The following RYR2 variants were observed in gnomAD, a reference collection of about 807,000 sequenced individuals.
RYR2 encodes the protein ryanodine receptor 2.
A neutral mutation model predicts 601.1 loss-of-function variants in RYR2; 227 were observed. The ratio of observed to expected loss-of-function variants is 0.38; its 90% CI spans 0.34 to 0.42. The LOEUF (loss-of-function observed/expected upper bound fraction) is 0.42. Ranked by LOEUF, RYR2 falls within the 10% of genes least tolerant of loss-of-function variation. RYR2 has a pLI of 1.00. For missense variants in RYR2, 4,646 were observed against 6,156.5 expected (o/e 0.75, Z 8.21); for synonymous variants, 2,223 against 2,175.1 (o/e 1.02, Z -0.61).
chr1:237,548,561 C>A lies in RYR2; in HGVS notation c.3037C>A (p.Arg1013=). The A allele has an allele frequency of 6.2e-7, 1 of 1,613,916 alleles. No individual in the cohort carries two copies. Reference sequence around the variant, plus strand: ...TAATGTGTGGGCGCGGGATCGAATCCGGCAGGGCTGGACTTATGGCATCCA... The same window carrying A: ...TAATGTGTGGGCGCGGGATCGAATCAGGCAGGGCTGGACTTATGGCATCCA... ...AHNVWARDRI[R]QGWTYGIQQD... The change falls in exon 26 of 105, where the codon CGG becomes AGG. Residue 1013 remains arginine (R), a synonymous_variant. Transcript: ENST00000366574.
chr1:237,761,936 CTA>C (rs1484001524), intron 84 of RYR2, among the ~76,000 whole-genome samples: 1 of 152,000 alleles, frequency 6.6e-6, no homozygotes, highest in African/African-American at 2.4e-5. Flanking sequence ...CATTTGTAGT[CTA>C]TGTTTATTTC....
chr1:237,300,769 C>T (rs1693269448), intron 2 of RYR2, among the ~76,000 whole-genome samples: 1 of 152,150 alleles, frequency 6.6e-6, no homozygotes, highest in South Asian at 2.1e-4. Flanking sequence ...GACCTTTCCA[C>T]ATTTTTTATA....
chr1:237,493,699 G>T (rs558461038), intron 19 of RYR2, among the ~76,000 whole-genome samples: 2 of 152,268 alleles, frequency 1.3e-5, no homozygotes, highest in Non-Finnish European at 2.9e-5. Flanking sequence ...TGATCTGCCC[G>T]CCTTGGCCTC....
intron 84 of RYR2, among the ~76,000 whole-genome samples, chr1:237,764,232 G>A (rs913504056): frequency 6.6e-6 from 1 of 152,104 alleles, no homozygotes; most frequent in African/African-American, 2.4e-5. Flanking sequence ...GAACAGAAAG[G>A]TTTCTTGACT....
At chr1:237,519,881 T>G (rs1237780358) in intron 24 of RYR2, among the ~76,000 whole-genome samples, 2 of 152,182 alleles carry the variant, frequency 1.3e-5, no homozygotes, top group East Asian at 3.9e-4. Flanking sequence ...ATATTGTCAT[T>G]TTAACAATAC....
intron 3 of RYR2, among the ~76,000 whole-genome samples, chr1:237,347,791 A>T (rs1025397406): frequency 1.3e-5 from 2 of 152,178 alleles, no homozygotes; most frequent in Non-Finnish European, 2.9e-5. Flanking sequence ...CCTCCCCCAA[A>T]CCAGAAGTTT....
chr1:237,432,634 A>G (rs1395086388), intron 12 of RYR2, among the ~76,000 whole-genome samples: 2 of 152,068 alleles, frequency 1.3e-5, no homozygotes, highest in Non-Finnish European at 2.9e-5. Context: ...CTGTCTCTGG[A>G]TATTACAAAT....
intron 1 of RYR2, among the ~76,000 whole-genome samples, chr1:237,128,212 G>A (rs1303965936): frequency 4.6e-5 from 7 of 152,274 alleles, no homozygotes; most frequent in South Asian, 4.1e-4. Context: ...GCGAAACCCT[G>A]TCTCCACCAA....
intron 1 of RYR2, among the ~76,000 whole-genome samples, chr1:237,098,597 T>C (rs1667738260): frequency 3.3e-5 from 5 of 152,164 alleles, no homozygotes; most frequent in Admixed American, 3.3e-4. Flanking sequence ...ATATTCAGCC[T>C]TAAAAAGAAG....
At chr1:237,222,870 A>G (rs183072540) in intron 1 of RYR2, among the ~76,000 whole-genome samples, 1 of 152,326 alleles carries the variant, frequency 6.6e-6, no homozygotes, top group Non-Finnish European at 1.5e-5. Context: ...GTTCAAGACC[A>G]GCCTGACCAA....
chr1:237,322,821 C>T (rs12094947), intron 2 of RYR2, among the ~76,000 whole-genome samples: 9 of 143,146 alleles, frequency 6.3e-5, no homozygotes, highest in East Asian at 2.1e-4. Flanking sequence ...AACACACACA[C>T]GTGTGTGTGT....
intron 10 of RYR2, among the ~76,000 whole-genome samples, chr1:237,402,446 A>T (rs985804519): frequency 6.6e-6 from 1 of 151,922 alleles, no homozygotes; most frequent in Non-Finnish European, 1.5e-5. Context: ...AAGAATTAAA[A>T]GATGCAACAA....
intron 1 of RYR2, among the ~76,000 whole-genome samples, chr1:237,156,826 TC>T (rs1393287336): frequency 4.6e-5 from 7 of 152,130 alleles, no homozygotes; most frequent in African/African-American, 1.7e-4. Context: ...TTTGATTTCA[TC>T]CTGTATTAAA....
intron 24 of RYR2, among the ~76,000 whole-genome samples, chr1:237,512,081 A>G (rs1480933105): frequency 6.6e-6 from 1 of 152,200 alleles, no homozygotes; most frequent in Non-Finnish European, 1.5e-5. Flanking sequence ...GATAGGATAC[A>G]GGTCCACAGA....
intron 78 of RYR2, among the ~76,000 whole-genome samples, chr1:237,733,353 C>T (rs1690860298): frequency 6.6e-6 from 1 of 152,074 alleles, no homozygotes; most frequent in African/African-American, 2.4e-5. Context: ...TCAAATTTCA[C>T]TTCTGTCAAA....
intron 42 of RYR2, among the ~76,000 whole-genome samples, chr1:237,632,650 C>T (rs1193169874): frequency 1.3e-5 from 2 of 152,096 alleles, no homozygotes; most frequent in South Asian, 2.1e-4. Context: ...CCTGCCTTGG[C>T]CTCCCAAAGT....
intron 37 of RYR2, among the ~76,000 whole-genome samples, chr1:237,615,532 T>C (rs780253029): frequency 2.0e-5 from 3 of 152,130 alleles, no homozygotes; most frequent in Non-Finnish European, 4.4e-5. Context: ...ACTGGCTGTC[T>C]TTATGCTCCT....
intron 1 of RYR2, among the ~76,000 whole-genome samples, chr1:237,127,210 C>A (rs1177941912): frequency 2.0e-5 from 3 of 152,158 alleles, no homozygotes; most frequent in African/African-American, 4.8e-5. Flanking sequence ...GGCAACCATC[C>A]GATTTCTCAA....
At chr1:237,725,303 A>G (rs1690099947) in intron 74 of RYR2, among the ~76,000 whole-genome samples, 1 of 152,150 alleles carries the variant, frequency 6.6e-6, no homozygotes, top group Non-Finnish European at 1.5e-5. Flanking sequence ...GTCGATTATC[A>G]AAAATAAAAA....
Sources: allele counts gnomAD v4.1 joint callset (sites outside exome capture counted in the v4.1 genomes callset), GRCh38; gene constraint gnomAD v4.1.1; transcripts MANE v1.5; gene names NCBI Gene and HGNC (gene_info 2026-07-23, HGNC 2026-07-21).